Variants in SLIT1 observed in about 807,000 individuals in gnomAD.
The protein encoded by SLIT1 is slit homolog 1 protein.
SLIT1 carries 66 observed loss-of-function variants against 186.1 expected under a neutral mutation model. The ratio of observed to expected loss-of-function variants is 0.35; its 90% CI spans 0.29 to 0.44. The LOEUF is 0.44. SLIT1 is among the 20% of genes least tolerant of loss of function. The pLI is 1.00. For missense variants in SLIT1, 1,638 were observed against 2,037.4 expected (o/e 0.80, Z 3.77); for synonymous variants, 761 against 833.8 (o/e 0.91, Z 1.50).
intron 4 of SLIT1, among the ~76,000 whole-genome samples, chr10:97,122,549 A>G (rs542071297): frequency 6.6e-6 from 1 of 152,134 alleles, no homozygotes; most frequent in Non-Finnish European, 1.5e-5. Context: ...GGCCTGGATG[A>G]TGTGTATGTG....
chr10:97,115,291 C>T (rs1849499204), intron 4 of SLIT1, among the ~76,000 whole-genome samples: 1 of 152,202 alleles, frequency 6.6e-6, no homozygotes, highest in Admixed American at 6.5e-5. Context: ...TCCCAGCCTG[C>T]TATTCCTTGG....
At chr10:97,131,502 C>T (rs1469231700) in intron 4 of SLIT1, among the ~76,000 whole-genome samples, 2 of 152,232 alleles carry the variant, frequency 1.3e-5, no homozygotes, top group Non-Finnish European at 2.9e-5. Context: ...ACAACACACT[C>T]ACCGCATTCA....
rs1365516580 is a variant in SLIT1, at chr10:97,043,357, A to G, written c.1997+13T>C. On this transcript the variant is annotated intron_variant, in intron 19 of 36. Transcript: ENST00000266058. This position sits in a 1 kb window ranked among gnomAD's most constrained non-coding sequence, Gnocchi z 7.0. ...CAGAGCCCCCGCCCGCCTGTCCTGG[A>G]GGCCGGACTCACAGTGTGGAGAGGG... The G allele has an allele frequency of 2.8e-5, 45 of 1,612,770 alleles. No homozygotes were observed. The highest frequency in any genetic ancestry group is 3.8e-5 in the Non-Finnish European group (45 of 1,179,866).
intron 4 of SLIT1, among the ~76,000 whole-genome samples, chr10:97,100,979 A>G (rs1849347336): frequency 6.6e-6 from 1 of 152,162 alleles, no homozygotes; most frequent in Non-Finnish European, 1.5e-5. Context: ...CACCTACAAG[A>G]GCAGAAAACA....
chr10:97,085,755 T>A (rs1262853558), intron 4 of SLIT1, among the ~76,000 whole-genome samples: 1 of 152,272 alleles, frequency 6.6e-6, no homozygotes, highest in East Asian at 1.9e-4. Flanking sequence ...CTCCTTCATT[T>A]AATCTTGTGT....
intron 1 of SLIT1, among the ~76,000 whole-genome samples, chr10:97,172,637 CA>C (rs768262203): frequency 2.0e-5 from 3 of 152,184 alleles, no homozygotes; most frequent in Admixed American, 6.5e-5. Flanking sequence ...TCTCCCCAGC[CA>C]AGCGTGCTGG....
intron 4 of SLIT1, among the ~76,000 whole-genome samples, chr10:97,098,681 C>T (rs1473663305): frequency 2.6e-5 from 4 of 152,140 alleles, no homozygotes; most frequent in South Asian, 2.1e-4. Context: ...AAAACAAGAG[C>T]GGATCAGCGT....
At chr10:97,066,857 G>A (rs976957108) in intron 4 of SLIT1, among the ~76,000 whole-genome samples, 2 of 152,176 alleles carry the variant, frequency 1.3e-5, no homozygotes, top group South Asian at 2.1e-4. Context: ...CCACAGCATC[G>A]TGCAGGGCGC....
chr10:97,001,137 T>C lies in SLIT1; in HGVS notation c.4580A>G (p.Lys1527Arg). The change falls in exon 37 of 37, where the codon AAG becomes AGG. Residue 1527 changes from lysine (K) to arginine (R), a missense_variant. Around this residue, in one of 3 missense-constraint regions of SLIT1, gnomAD observed 220 missense variants for 211.3 expected, o/e 1.04. Coordinates refer to ENST00000266058, the MANE Select transcript of SLIT1 (RefSeq NM_003061.3). The stretch of plus-strand genomic sequence containing the variant: ...CTATGCGCAGAGGGCACAGCCACAC[T>C]TGGTGGGCTTTTCCACCTCCTCGGC... ...SFAEEVEKPT[K>R]CGCALCA The C allele has an allele frequency of 1.2e-6, 2 of 1,613,078 alleles. No homozygotes were observed. The highest frequency in any genetic ancestry group is 1.7e-6 in the Non-Finnish European group (2 of 1,179,804).
intron 4 of SLIT1, chr10:97,154,713 A>C (rs1849926211): frequency 6.6e-6 from 1 of 152,242 alleles, no homozygotes; most frequent in African/African-American, 2.4e-5. Context: ...CAATGTGTCT[A>C]GAGGCTTCTG....
At chr10:97,074,146 TC>T (rs1195282229) in intron 4 of SLIT1, among the ~76,000 whole-genome samples, 2 of 152,106 alleles carry the variant, frequency 1.3e-5, no homozygotes, top group Non-Finnish European at 2.9e-5. Context: ...AAGTACTGAC[TC>T]TGGTGAACGT....
chr10:97,059,624 G>T, intron 10 of SLIT1, 93 bp from the exon 11 acceptor site: 1 of 914,882 alleles, frequency 1.1e-6, no homozygotes, highest in South Asian at 1.3e-5. Flanking sequence ...TGTCACAGGA[G>T]CAGGGTGGAG....
intron 4 of SLIT1, among the ~76,000 whole-genome samples, chr10:97,144,003 G>C (rs139751554): frequency 0.013 from 1,987 of 152,262 alleles, 27 homozygotes; most frequent in Middle Eastern, 0.041. Flanking sequence ...TTCAAGACCA[G>C]CCTGGCCAAC....
chr10:97,080,997 C>T (rs936967096), intron 4 of SLIT1, among the ~76,000 whole-genome samples: 35 of 152,314 alleles, frequency 2.3e-4, no homozygotes, highest in African/African-American at 8.2e-4. Context: ...TGGCTCAAGC[C>T]AGGTGGGTTT....
In SLIT1 at chr10:97,063,493, T is replaced by A; in HGVS notation, c.755A>T (p.Asn252Ile). 1 of 1,613,050 alleles carries A rather than the reference T, an allele frequency of 6.2e-7. No homozygotes were observed. Among genetic ancestry groups the A allele is most frequent in the Non-Finnish European group, 8.5e-7 (1 of 1,179,962 alleles). The change falls in exon 8 of 37, where the codon AAT becomes ATT. Residue 252 changes from asparagine (N) to isoleucine (I), a missense_variant. By Grantham distance (149) the Asn-to-Ile change is moderately radical. Around this residue, in one of 3 missense-constraint regions of SLIT1, gnomAD observed 1,245 missense variants for 1,535.3 expected, o/e 0.81. Transcript: ENST00000266058. ...CTCACTCTTCTGGACCTCTGCCACATTGAGGCCACGCAGGCTGGCTGGGCC... is the reference window on the plus strand; with the variant it reads ...CTCACTCTTCTGGACCTCTGCCACAATGAGGCCACGCAGGCTGGCTGGGCC... The part of the protein sequence containing the change: ...CSGPASLRGL[N>I]VAEVQKSEFS...
At chr10:97,151,117 C>T (rs1849872752) in intron 4 of SLIT1, among the ~76,000 whole-genome samples, 1 of 152,156 alleles carries the variant, frequency 6.6e-6, no homozygotes, top group Non-Finnish European at 1.5e-5. Flanking sequence ...ACAGACCTGT[C>T]ACCTCCTAAG....
intron 4 of SLIT1, among the ~76,000 whole-genome samples, chr10:97,145,004 G>A (rs981439453): frequency 6.6e-6 from 1 of 152,100 alleles, no homozygotes; most frequent in Non-Finnish European, 1.5e-5. Flanking sequence ...GAAAAGAGAG[G>A]ACTCAATGCC....
At chr10:97,148,681 G>A (rs867061635) in intron 4 of SLIT1, among the ~76,000 whole-genome samples, 44 of 151,874 alleles carry the variant, frequency 2.9e-4, no homozygotes, top group Admixed American at 1.8e-3. Flanking sequence ...TTTGCTTTTC[G>A]CTATTTTTCA....
chr10:97,143,846 T>C (rs1393406671), intron 4 of SLIT1, among the ~76,000 whole-genome samples: 1 of 152,188 alleles, frequency 6.6e-6, no homozygotes, highest in Admixed American at 6.5e-5. Context: ...GTAACGATAC[T>C]GTATGTATGT....
Sources: gnomAD v4.1 joint callset for allele counts (sites outside exome capture counted in the v4.1 genomes callset) on GRCh38, gnomAD v4.1.1 for gene constraint, gnomAD v4.1.1 regional missense constraint, Gnocchi (gnomAD v3.1) non-coding constraint, MANE v1.5 for transcripts, NCBI Gene and HGNC (gene_info 2026-07-23, HGNC 2026-07-21) for gene names.